TGS1: variants seen among roughly 807,000 people sequenced by gnomAD.
TGS1 encodes the protein trimethylguanosine synthase 1.
A neutral mutation model predicts 92.2 loss-of-function variants in TGS1; 69 were observed. The ratio of observed to expected loss-of-function variants is 0.75; its 90% CI spans 0.62 to 0.91. The LOEUF is 0.91. Among genes scored for constraint, TGS1 ranks in the 40% least tolerant of loss-of-function variants. TGS1 has a pLI of 0.00. For synonymous variants in TGS1, 345 were observed against 338.1 expected (o/e 1.02, Z -0.22); for missense variants, 1,062 against 1,001.2 (o/e 1.06, Z -0.82).
intron 11 of TGS1, 54 bp downstream of exon 11, chr8:55,811,151 G>A (rs1202473478): frequency 4.4e-6 from 3 of 684,384 alleles, no homozygotes; most frequent in African/African-American, 1.9e-5. Flanking sequence ...GGAGAGAAAG[G>A]AGCATGAGAG....
At position 55,786,837 on chromosome 8, in the gene TGS1, T is replaced by A. The variant is rs1811730694; in HGVS notation, c.939T>A (p.Asp313Glu). The part of the protein sequence containing the change: ...DNDSSGTSDK[D>E]HSEILDGISN... ...ATAGCTCTGGTACAAGTGATAAGGA[T>A]CATAGTGAAATACTTGATGGAATTA... is the stretch of plus-strand genomic sequence containing the variant. Residue 313 changes from aspartate (D) to glutamate (E), a missense_variant, in exon 4 of 13, where the codon GAT (aspartate) becomes GAA (glutamate). Transcript: ENST00000260129. 1 of 1,614,068 alleles carries A rather than the reference T, an allele frequency of 6.2e-7. No homozygotes were observed. Among genetic ancestry groups the A allele is most frequent in the African/African-American group, 1.3e-5 (1 of 74,934 alleles).
At chr8:55,782,202 A>G (rs1383957958) in intron 1 of TGS1, among the ~76,000 whole-genome samples, 3 of 149,932 alleles carry the variant, frequency 2.0e-5, no homozygotes, top group Non-Finnish European at 3.0e-5. Flanking sequence ...TTATTTTGAG[A>G]TAGATTTTTG....
chr8:55,802,345 A>G, intron 8 of TGS1, 112 bp from the exon 9 acceptor site: 1 of 843,600 alleles, frequency 1.2e-6, no homozygotes, highest in Admixed American at 2.3e-5. Flanking sequence ...GCGTGTCATT[A>G]TATACATGTT....
intron 10 of TGS1, among the ~76,000 whole-genome samples, chr8:55,807,875 T>A (rs1312069195): frequency 6.6e-6 from 1 of 152,178 alleles, no homozygotes; most frequent in African/African-American, 2.4e-5. Context: ...ATGCATATTT[T>A]TAAATATCTT....
Position 55,786,585 on chromosome 8 carries a change from C to G in TGS1, c.687C>G (p.Asn229Lys). The G allele has an allele frequency of 6.2e-7, 1 of 1,614,148 alleles. No homozygotes were observed. Among genetic ancestry groups the G allele is most frequent in the Non-Finnish European group, 8.5e-7 (1 of 1,180,018 alleles). Residue 229 changes from asparagine (N) to lysine (K), a missense_variant, in exon 4 of 13, where the codon AAC becomes AAG. Coordinates refer to ENST00000260129, the MANE Select transcript of TGS1 (RefSeq NM_024831.8). ...PGQALSSEPW[N>K]FPDTKEEWEQ... ...AAGCACTATCTTCTGAACCTTGGAA[C>G]TTTCCTGATACAAAGGAAGAATGGG...
chr8:55,795,323 A>T (rs759869461), intron 6 of TGS1, among the ~76,000 whole-genome samples: 9 of 152,228 alleles, frequency 5.9e-5, no homozygotes, highest in Non-Finnish European at 8.8e-5. Context: ...TAATATGGCT[A>T]CAAAGTGAGA....
chr8:55,797,316 A>C (rs537524723), intron 7 of TGS1, among the ~76,000 whole-genome samples: 2 of 152,156 alleles, frequency 1.3e-5, no homozygotes, highest in South Asian at 4.1e-4. Flanking sequence ...CACCATCACA[A>C]GAAGAGAGTG....
chr8:55,803,127 G>GT (rs1420541173), intron 9 of TGS1, among the ~76,000 whole-genome samples: 2 of 111,094 alleles, frequency 1.8e-5, no homozygotes, highest in African/African-American at 3.8e-5. Context: ...TTCAATTTGG[G>GT]GGGGTGTGTG....
intron 10 of TGS1, among the ~76,000 whole-genome samples, chr8:55,808,860 G>C (rs1472927848): frequency 6.6e-6 from 1 of 152,132 alleles, no homozygotes; most frequent in Non-Finnish European, 1.5e-5. Context: ...GTAATTCACA[G>C]GTGTTCCATG....
Position 55,793,556 on chromosome 8 carries a change from A to G in TGS1, c.1367+772A>G, listed in dbSNP as rs377115671. Among the ~76,000 whole-genome samples the G allele has an allele frequency of 1.4e-4, 22 of 151,990 alleles. No individual in the cohort carries two copies. The East Asian group carries it at 2.3e-3, about 16-fold the overall frequency. ...GTGCTATGACTACATACATGTACAC[A>G]CATTTTTTGTTTGTTTTGTTTTGTT... On this transcript the variant is annotated intron_variant, in intron 6 of 12. Coordinates refer to ENST00000260129, the MANE Select transcript of TGS1 (RefSeq NM_024831.8).
At chr8:55,785,690 A>G in intron 2 of TGS1, 29 bp from the exon 3 acceptor site, 1 of 1,465,674 alleles carries the variant, frequency 6.8e-7, no homozygotes. Context: ...AGTTTTCCTT[A>G]AAACTAAGCT....
chr8:55,786,297 C>G lies in TGS1; in HGVS notation c.399C>G (p.Tyr133Ter). 1 of 1,567,072 alleles carries G rather than the reference C, an allele frequency of 6.4e-7. No individual in the cohort carries two copies. Among genetic ancestry groups the G allele is most frequent in the Non-Finnish European group, 8.7e-7 (1 of 1,152,332 alleles). ...KIKKKKHQKKYLDEIVQESWR... is the reference protein window; with the variant it reads ...KIKKKKHQKK ...AAAAGAAAAAACATCAAAAGAAATACTTAGATGAAATTGTGCAAGAATCTT... is the reference window on the plus strand; with the variant it reads ...AAAAGAAAAAACATCAAAAGAAATAGTTAGATGAAATTGTGCAAGAATCTT... Residue 133 changes from tyrosine to a stop codon, truncating the protein, a stop_gained, in exon 4 of 13, where the codon TAC becomes TAG. Transcript: ENST00000260129. LOFTEE classifies it high-confidence loss of function.
intron 11 of TGS1, among the ~76,000 whole-genome samples, chr8:55,811,921 G>A (rs1009566206): frequency 3.3e-5 from 5 of 152,168 alleles, no homozygotes; most frequent in Admixed American, 2.0e-4. Context: ...TCCGTTGCTT[G>A]CTATTCAATT....
At chr8:55,776,029 G>C (rs1291252951) in intron 1 of TGS1, among the ~76,000 whole-genome samples, 1 of 152,118 alleles carries the variant, frequency 6.6e-6, no homozygotes, top group African/African-American at 2.4e-5. Flanking sequence ...AAGAACCGCA[G>C]ACAAAACCCC....
chr8:55,793,287 C>T (rs186049136), intron 6 of TGS1, among the ~76,000 whole-genome samples: 186 of 152,286 alleles, frequency 1.2e-3, no homozygotes, highest in African/African-American at 4.4e-3. Context: ...AAGAGTTTGG[C>T]ACTTTGAGAG....
rs371657989 is a variant in TGS1 at position 55,786,990 on chromosome 8, A to G, written c.1092A>G (p.Glu364=). 920 of 1,614,126 alleles carry G rather than the reference A, an allele frequency of 5.7e-4. 18 individuals are homozygous for G. In the South Asian group the frequency reaches 8.6e-3, roughly 15 times the overall value. ...KRECPASGQS[E]PRNGGTNEES... ...AGTGCCCTGCTTCCGGCCAAAGTGA[A>G]CCACGTAATGGAGGAACCAATGAGG... is the stretch of plus-strand genomic sequence containing the variant. Residue 364 remains glutamate, a synonymous_variant, in exon 4 of 13, where the codon GAA becomes GAG. Transcript: ENST00000260129.
chr8:55,792,913 A>G, intron 6 of TGS1, 129 bp downstream of exon 6: 1 of 644,052 alleles, frequency 1.6e-6, no homozygotes, highest in Non-Finnish European at 2.7e-6. Flanking sequence ...ACTTCTTGTT[A>G]GAATTGTGGT....
intron 8 of TGS1, among the ~76,000 whole-genome samples, chr8:55,801,819 C>A (rs1812224049): frequency 6.6e-6 from 1 of 151,940 alleles, no homozygotes; most frequent in Admixed American, 6.5e-5. Flanking sequence ...GAACTTCTGA[C>A]CTGCCTCAGC....
rs1360315108 is a variant in TGS1 at position 55,810,811 on chromosome 8, A to G, written c.2144-70A>G. Reference sequence around the variant, plus strand: ...TATACAGAAGATGACAGACTATTCGAAAGACAAACTATCCTATATAAGTAA... The same window carrying G: ...TATACAGAAGATGACAGACTATTCGGAAGACAAACTATCCTATATAAGTAA... On this transcript the variant is annotated intron_variant, in intron 10 of 12. Coordinates refer to ENST00000260129, the MANE Select transcript of TGS1 (RefSeq NM_024831.8). The G allele has an allele frequency of 2.0e-5, 26 of 1,321,220 alleles. 1 individual carries two copies. In the South Asian group the frequency reaches 2.8e-4, roughly 14 times the overall value. 81.8% of individuals were successfully genotyped at this position (1,321,220 alleles called of 1,614,324 possible).
Sources: gnomAD v4.1 joint callset for allele counts (sites outside exome capture counted in the v4.1 genomes callset) on GRCh38, gnomAD v4.1.1 for gene constraint, MANE v1.5 for transcripts, NCBI Gene and HGNC (gene_info 2026-07-23, HGNC 2026-07-21) for gene names.